The following RGS20 variants were observed in gnomAD, a reference collection of about 807,000 sequenced individuals.
RGS20 encodes gz-selective GTPase-activating protein.
In RGS20, 30 loss-of-function variants were observed where a neutral mutation model predicts 33.6. That is an observed-to-expected ratio of 0.89 (90% confidence interval 0.67 to 1.21). The LOEUF is 1.21. Among genes scored for constraint, RGS20 ranks in the 50% most tolerant of loss-of-function variants. RGS20 has a pLI of 0.00. For synonymous variants in RGS20, 208 were observed against 197.9 expected (o/e 1.05, Z -0.43); for missense variants, 472 against 502.4 (o/e 0.94, Z 0.58).
In RGS20 at chr8:53,870,641, T is replaced by C. The variant is rs77676283; in HGVS notation, c.166-8617T>C. On this transcript the variant is annotated intron_variant, in intron 1 of 5. Coordinates refer to ENST00000297313, the MANE Select transcript of RGS20 (RefSeq NM_170587.4). ...ATACCAGGAATTTTCTAGGCTTTCC[T>C]CCTTGGTCTTTTTCTCATTTCACTT... Among the ~76,000 whole-genome samples, 657 of 152,264 alleles carry C rather than the reference T, an allele frequency of 4.3e-3. 13 individuals carry two copies. The highest frequency in any genetic ancestry group is 0.015 in the African/African-American group (629 of 41,548).
At chr8:53,884,911 G>A (rs1488421979) in intron 2 of RGS20, among the ~76,000 whole-genome samples, 1 of 152,208 alleles carries the variant, frequency 6.6e-6, no homozygotes, top group African/African-American at 2.4e-5. Flanking sequence ...GTCAGAGCCA[G>A]CATTAGCATT....
At chr8:53,864,303 G>A (rs112811773) in intron 1 of RGS20, among the ~76,000 whole-genome samples, 3,804 of 151,872 alleles carry the variant, frequency 0.025, 159 homozygotes, top group African/African-American at 0.087. Context: ...GCATGATGGC[G>A]GGTGCCTGTA....
chr8:53,943,355 C>T (rs1814364365), intron 3 of RGS20, among the ~76,000 whole-genome samples: 1 of 152,088 alleles, frequency 6.6e-6, no homozygotes, highest in Non-Finnish European at 1.5e-5. Flanking sequence ...CAACATTTTG[C>T]TGTAAGGCCT....
At chr8:53,870,841 G>A (rs1044945546) in intron 1 of RGS20, among the ~76,000 whole-genome samples, 4 of 151,860 alleles carry the variant, frequency 2.6e-5, no homozygotes, top group Admixed American at 1.3e-4. Flanking sequence ...GGCCAGGTGC[G>A]GTGACTCACA....
chr8:53,902,933 C>G (rs529732097), intron 2 of RGS20, among the ~76,000 whole-genome samples: 28 of 152,210 alleles, frequency 1.8e-4, no homozygotes, highest in Middle Eastern at 3.4e-3. Context: ...GCCATGATGG[C>G]CAGGCTGGGC....
At chr8:53,914,620 CCCT>C (rs1813434511) in intron 2 of RGS20, 1 of 152,058 alleles carries the variant, frequency 6.6e-6, no homozygotes, top group Non-Finnish European at 1.5e-5. Flanking sequence ...ATCGGTTTTC[CCCT>C]CCTCTCCCCT....
chr8:53,865,645 C>T (rs533277795), intron 1 of RGS20, among the ~76,000 whole-genome samples: 65 of 152,290 alleles, frequency 4.3e-4, no homozygotes, highest in Admixed American at 3.5e-3. Flanking sequence ...TTTGCCCTCT[C>T]GCCCAGGCTG....
chr8:53,884,786 C>A (rs1812491960), intron 2 of RGS20, among the ~76,000 whole-genome samples: 1 of 152,212 alleles, frequency 6.6e-6, no homozygotes, highest in South Asian at 2.1e-4. Context: ...CCAAGAAGGA[C>A]CAGGCAGTCA....
rs1289032746 is a variant in RGS20, at chr8:53,877,208, C to G, written c.166-2050C>G. ...AGCCCTTGCGTAGGGTCGGGAAGGC[C>G]GTGGGTGGGCTCAGTCAGGCTTTAG... On this transcript the variant is annotated intron_variant, in intron 1 of 5. Transcript: ENST00000297313. This position sits in a 1 kb window ranked among gnomAD's most constrained non-coding sequence, Gnocchi z 5.7. Among the ~76,000 whole-genome samples the G allele has an allele frequency of 6.6e-6, 1 of 152,144 alleles. No homozygotes were observed. Among genetic ancestry groups the G allele is most frequent in the Non-Finnish European group, 1.5e-5 (1 of 68,016 alleles).
At position 53,870,022 on chromosome 8, in the gene RGS20, A is replaced by T. The variant is rs534808665; in HGVS notation, c.166-9236A>T. ...CCAGATGTTGGGCAGATGGGGGAGT[A>T]GGAGTGATGGTAACTAGAAGCTGCC... On this transcript the variant is annotated intron_variant, in intron 1 of 5. Transcript: ENST00000297313. Among the ~76,000 whole-genome samples the T allele has an allele frequency of 7.5e-4, 115 of 152,344 alleles. 4 individuals carry two copies. The South Asian group carries it at 0.023, about 31-fold the overall frequency.
chr8:53,957,888 T>C (rs1278591658), intron 5 of RGS20, among the ~76,000 whole-genome samples: 1 of 152,190 alleles, frequency 6.6e-6, no homozygotes, highest in Non-Finnish European at 1.5e-5. Flanking sequence ...GGCTCATGCC[T>C]GTAATCCCAG....
In RGS20 at chr8:53,927,201, GTT is replaced by G. The variant is rs553191513; in HGVS notation, c.511-12359_511-12358del. Among the ~76,000 whole-genome samples the G allele has an allele frequency of 7.0e-3, 885 of 126,906 alleles. 5 individuals carry two copies. Among genetic ancestry groups the G allele is most frequent in the African/African-American group, 0.022 (765 of 34,982 alleles). 83.3% of individuals were successfully genotyped at this position (126,906 alleles called of 152,430 possible). Reference sequence around the variant, plus strand: ...GGATGCTCTTTTTGTTTTTTGGGGCGTTTTTTTTTTTTTTTTTGAGACAAGGT... The same window carrying G: ...GGATGCTCTTTTTGTTTTTTGGGGCGTTTTTTTTTTTTTTTGAGACAAGGT... On this transcript the variant is annotated intron_variant, in intron 2 of 5. Coordinates refer to ENST00000297313, the MANE Select transcript of RGS20 (RefSeq NM_170587.4).
In RGS20 at chr8:53,876,501, G is replaced by C. The variant is rs142039383; in HGVS notation, c.166-2757G>C. The C allele has an allele frequency of 3.9e-5, 6 of 152,372 alleles. No individual in the cohort carries two copies. In the East Asian group the frequency reaches 1.2e-3, roughly 29 times the overall value. The allele number at this position is 152,372 out of a possible 1,614,324, so 9.4% of individuals were successfully genotyped here. A position where few individuals can be genotyped will look rare whatever the true frequency, so the allele number is the denominator to read the frequency against. On this transcript the variant is annotated intron_variant, in intron 1 of 5. Coordinates refer to ENST00000297313, the MANE Select transcript of RGS20 (RefSeq NM_170587.4). Reference sequence around the variant, plus strand: ...GCTATTTTTTGACAGTCCTCAGACTGTCAAATAGAATCTGGCCTAAAAGGA... The same window carrying C: ...GCTATTTTTTGACAGTCCTCAGACTCTCAAATAGAATCTGGCCTAAAAGGA...
intron 1 of RGS20, among the ~76,000 whole-genome samples, chr8:53,866,879 C>T (rs892568844): frequency 6.6e-6 from 1 of 152,100 alleles, no homozygotes; most frequent in Non-Finnish European, 1.5e-5. Flanking sequence ...GGGGATTATG[C>T]TCTGCTTCCT....
intron 2 of RGS20, among the ~76,000 whole-genome samples, chr8:53,883,874 A>C (rs2129275506): frequency 6.6e-6 from 1 of 151,902 alleles, no homozygotes; most frequent in East Asian, 2.0e-4. Flanking sequence ...TGAACTCAGG[A>C]GGCAGAGGTT....
chr8:53,947,956 ATATT>A (rs1183692998), intron 4 of RGS20, among the ~76,000 whole-genome samples: 1 of 136,894 alleles, frequency 7.3e-6, no homozygotes, highest in Non-Finnish European at 1.5e-5. Context: ...TATAGTATAT[ATATT>A]TACATATGCT....
At chr8:53,885,723 C>G (rs1476670240) in intron 2 of RGS20, among the ~76,000 whole-genome samples, 1 of 151,436 alleles carries the variant, frequency 6.6e-6, no homozygotes, top group Non-Finnish European at 1.5e-5. Context: ...AGGAATTATG[C>G]CTGCATCCTT....
At chr8:53,919,232 G>T (rs1182314338) in intron 2 of RGS20, among the ~76,000 whole-genome samples, 2 of 151,840 alleles carry the variant, frequency 1.3e-5, no homozygotes, top group African/African-American at 2.4e-5. Flanking sequence ...TTTAAATTGG[G>T]TTTTCTCTCC....
chr8:53,934,339 C>T (rs1024422350), intron 2 of RGS20, among the ~76,000 whole-genome samples: 17 of 152,162 alleles, frequency 1.1e-4, no homozygotes, highest in African/African-American at 4.1e-4. Flanking sequence ...CAAGACCCAA[C>T]AGTGTGCTGT....
Sources: gnomAD v4.1 joint callset for allele counts (sites outside exome capture counted in the v4.1 genomes callset) on GRCh38, gnomAD v4.1.1 for gene constraint, Gnocchi (gnomAD v3.1) non-coding constraint, MANE v1.5 for transcripts, NCBI Gene and HGNC (gene_info 2026-07-23, HGNC 2026-07-21) for gene names.